Variants in TFEC observed in about 807,000 individuals in gnomAD.
The protein encoded by TFEC is class E basic helix-loop-helix protein 34.
In TFEC, 31 loss-of-function variants were observed where a neutral mutation model predicts 41.6. The ratio of observed to expected loss-of-function variants is 0.74; its 90% confidence interval spans 0.56 to 1.01. The LOEUF is 1.01. TFEC is among the 50% of genes least tolerant of loss of function. TFEC has a pLI of 0.00. For missense variants in TFEC, 402 were observed against 404.1 expected, an observed-to-expected ratio of 0.99 and a Z score of 0.04; for synonymous variants, 143 against 140.6, an observed-to-expected ratio of 1.02 and a Z score of -0.12.
intron 1 of TFEC, among the ~76,000 whole-genome samples, chr7:116,005,808 G>C (rs2130793338): frequency 6.6e-6 from 1 of 152,334 alleles, no homozygotes; most frequent in Middle Eastern, 3.4e-3. Flanking sequence ...CACAAGCTCA[G>C]AGGTTTCTGA....
Position 115,935,602 on chromosome 7 carries a change from T to C in TFEC, c.*4949A>G, listed in dbSNP as rs1793191401. 6.6e-6 allele frequency: 1 copy of C among 151,722 alleles called. No homozygotes were observed. Among genetic ancestry groups the C allele is most frequent in the Non-Finnish European group, 1.5e-5 (1 of 67,664 alleles). 9.4% of individuals were successfully genotyped at this position (151,722 alleles called of 1,614,324 possible). On this transcript the variant is annotated 3_prime_UTR_variant, in exon 8 of 8. Coordinates refer to ENST00000265440, the MANE Select transcript of TFEC (RefSeq NM_012252.4). ...AACTTCTTGATTATATATAATTCTT[T>C]CAGCAAAATCAGTCTCTTCTTTTAT... is the stretch of plus-strand genomic sequence containing the variant.
intron 1 of TFEC, among the ~76,000 whole-genome samples, chr7:116,151,427 T>C (rs1357595372): frequency 6.6e-6 from 1 of 151,580 alleles, no homozygotes; most frequent in African/African-American, 2.4e-5. Context: ...ATTTTTAGTA[T>C]AGATGGGGTT....
chr7:116,031,699 T>C (rs919732501), upstream of TFEC, among the ~76,000 whole-genome samples: 2 of 152,156 alleles, frequency 1.3e-5, no homozygotes, highest in Non-Finnish European at 2.9e-5. Context: ...TAAATTGACA[T>C]TTGTGTTTGT....
At chr7:116,142,472 A>T (rs1798561537) in intron 1 of TFEC, among the ~76,000 whole-genome samples, 1 of 152,202 alleles carries the variant, frequency 6.6e-6, no homozygotes, top group East Asian at 1.9e-4. Context: ...CGCATTTGCA[A>T]CAATTAAGTG....
intron 2 of TFEC, among the ~76,000 whole-genome samples, chr7:115,976,176 C>A (rs1449056356): frequency 1.3e-5 from 2 of 152,092 alleles, no homozygotes; most frequent in African/African-American, 2.4e-5. Context: ...GCAATCCCAG[C>A]ACTTTGGGAG....
intron 1 of TFEC, among the ~76,000 whole-genome samples, chr7:116,158,310 A>G (rs1798909146): frequency 6.6e-6 from 1 of 152,052 alleles, no homozygotes; most frequent in African/African-American, 2.4e-5. Flanking sequence ...CTCATCTTCA[A>G]AAGTAATATC....
At chr7:116,087,612 G>A (rs1224934878) in intron 3 of TFEC, among the ~76,000 whole-genome samples, 1 of 151,998 alleles carries the variant, frequency 6.6e-6, no homozygotes, top group East Asian at 1.9e-4. Flanking sequence ...GCTAATTAAA[G>A]TGCTACATTC....
In TFEC at chr7:115,974,229, C is replaced by T. The variant is rs759434961; in HGVS notation, c.208G>A (p.Gly70Ser). The change falls in exon 3 of 8, where the codon GGT (glycine) becomes AGT (serine). Residue 70 changes from glycine to serine, a missense_variant. Physicochemically the swap from Gly to Ser is moderately conservative, Grantham distance 56. Coordinates refer to ENST00000265440, the MANE Select transcript of TFEC (RefSeq NM_012252.4). ...HMEDVIEDII[G>S]MESSFKEEGA... Reference sequence around the variant, plus strand: ...TCCTCTTTAAAACTTGATTCCATACCGATTATATCCTCAATAACGTCCTCC... The same window carrying T: ...TCCTCTTTAAAACTTGATTCCATACTGATTATATCCTCAATAACGTCCTCC... 2.5e-6 allele frequency: 4 copies of T among 1,589,224 alleles called. No homozygotes were observed. The highest frequency in any genetic ancestry group is 3.3e-4 in the Middle Eastern group (2 of 6,016).
intron 1 of TFEC, among the ~76,000 whole-genome samples, chr7:116,113,862 C>T (rs1398836597): frequency 6.6e-6 from 1 of 151,810 alleles, no homozygotes; most frequent in Non-Finnish European, 1.5e-5. Context: ...CATTTAAGGC[C>T]CTTTATAGAC....
chr7:116,117,803 A>T (rs550083563), intron 1 of TFEC, among the ~76,000 whole-genome samples: 1 of 152,016 alleles, frequency 6.6e-6, no homozygotes, highest in South Asian at 2.1e-4. Flanking sequence ...ATTAAATGTA[A>T]AAAGCATTCT....
intron 6 of TFEC, among the ~76,000 whole-genome samples, chr7:115,944,560 G>T (rs1031276609): frequency 1.3e-5 from 2 of 151,412 alleles, no homozygotes; most frequent in Non-Finnish European, 2.9e-5. Flanking sequence ...TTGATACATA[G>T]AAATAAAAAC....
chr7:116,048,504 A>G lies in TFEC; in HGVS notation c.198+62204T>C, dbSNP rs1796227105. Among the ~76,000 whole-genome samples, 3 of 152,354 alleles carry G rather than the reference A, an allele frequency of 2.0e-5. No individual in the cohort carries two copies. The South Asian group carries it at 6.2e-4, about 32-fold the overall frequency. On this transcript the variant is annotated intron_variant, in intron 3 of 8. Transcript: ENST00000484212. The stretch of plus-strand genomic sequence containing the variant: ...CATGAAAAGACCAAATCTACATCTG[A>G]TTGGTGTACCTGAAAGTGACAGGGA...
At chr7:116,045,035 C>T (rs1003817150) in intron 3 of TFEC, among the ~76,000 whole-genome samples, 1 of 152,160 alleles carries the variant, frequency 6.6e-6, no homozygotes, top group African/African-American at 2.4e-5. Flanking sequence ...TAGAGTGGGG[C>T]ATTGCTGAAA....
chr7:116,110,800 A>C (rs117395791), exon 3 of TFEC: 3 of 1,547,806 alleles, frequency 1.9e-6, no homozygotes, highest in Admixed American at 4.0e-5. Context: ...TGCATGTGGA[A>C]CTCTGTTCTA....
chr7:116,014,757 A>G lies in TFEC; in HGVS notation c.-73+15876T>C, dbSNP rs1274762858. Among the ~76,000 whole-genome samples, 6 of 152,212 alleles carry G rather than the reference A, an allele frequency of 3.9e-5. No homozygotes were observed. The East Asian group carries it at 1.2e-3, about 29-fold the overall frequency. On this transcript the variant is annotated intron_variant, in intron 1 of 7. Coordinates refer to ENST00000265440, the MANE Select transcript of TFEC (RefSeq NM_012252.4). Reference sequence around the variant, plus strand: ...ATCCTGGATTATCGTGCATGGCCTAATATAATCTCAAGGGTTCTTATAAGA... The same window carrying G: ...ATCCTGGATTATCGTGCATGGCCTAGTATAATCTCAAGGGTTCTTATAAGA...
chr7:116,079,806 T>G (rs1797046222), intron 3 of TFEC, among the ~76,000 whole-genome samples: 1 of 152,118 alleles, frequency 6.6e-6, no homozygotes, highest in Non-Finnish European at 1.5e-5. Flanking sequence ...CCATCAGCAT[T>G]CTTCACAGAA....
intron 1 of TFEC, among the ~76,000 whole-genome samples, chr7:116,027,075 AG>A (rs1003366267): frequency 6.6e-6 from 1 of 152,024 alleles, no homozygotes; most frequent in African/African-American, 2.4e-5. Context: ...AATCCATTTG[AG>A]TCTACACAGG....
chr7:115,947,477 T>C (rs1461355779), intron 6 of TFEC, among the ~76,000 whole-genome samples: 1 of 151,452 alleles, frequency 6.6e-6, no homozygotes, highest in Admixed American at 6.6e-5. Flanking sequence ...TAGTTCTAGA[T>C]CCCTAAGGAA....
At chr7:116,103,642 C>A (rs1034996312) in intron 3 of TFEC, among the ~76,000 whole-genome samples, 1 of 152,006 alleles carries the variant, frequency 6.6e-6, no homozygotes, top group African/African-American at 2.4e-5. Context: ...GAAATTTCAG[C>A]CACAGGGTCA....
Sources: allele counts gnomAD v4.1 joint callset (sites outside exome capture counted in the v4.1 genomes callset), GRCh38; gene constraint gnomAD v4.1.1; transcripts MANE v1.5; gene names NCBI Gene and HGNC (gene_info 2026-07-23, HGNC 2026-07-21).